CPED1: variants seen among roughly 807,000 people sequenced by gnomAD.
The protein encoded by CPED1 is cadherin-like and PC-esterase domain-containing protein 1.
Under a neutral mutation model 128.2 loss-of-function variants are expected in CPED1, and 114 were observed. That is an observed-to-expected ratio of 0.89 (90% CI 0.76 to 1.04). The LOEUF is 1.04. Among genes scored for constraint, CPED1 ranks in the 50% least tolerant of loss-of-function variants. The probability of loss-of-function intolerance (pLI) is 0.00; values close to 1 mark genes in which losing one functional copy is unlikely to be tolerated. For synonymous variants in CPED1, 462 were observed against 426.7 expected (o/e 1.08, Z -1.02); for missense variants, 1,211 against 1,207.1 (o/e 1.00, Z -0.05).
At chr7:121,058,142 G>A (rs912079338) in intron 4 of CPED1, among the ~76,000 whole-genome samples, 2 of 152,130 alleles carry the variant, frequency 1.3e-5, no homozygotes, top group African/African-American at 4.8e-5. Flanking sequence ...GAGGTACCTG[G>A]AGCTGGGGAA....
chr7:121,162,569 CA>C (rs574557923), intron 16 of CPED1, among the ~76,000 whole-genome samples: 4 of 152,080 alleles, frequency 2.6e-5, no homozygotes, highest in Admixed American at 6.5e-5. Flanking sequence ...ATTGTTAATT[CA>C]AAAAAACCTA....
At chr7:121,030,076 C>T (rs1343345428) in intron 3 of CPED1, among the ~76,000 whole-genome samples, 1 of 152,064 alleles carries the variant, frequency 6.6e-6, no homozygotes, top group East Asian at 1.9e-4. Context: ...AAAATTACTC[C>T]AAATTCCAGA....
At position 121,220,901 on chromosome 7, in the gene CPED1, G is replaced by A. The variant is rs142372653; in HGVS notation, c.2056-15813G>A. On this transcript the variant is annotated intron_variant, in intron 16 of 22. Coordinates refer to ENST00000310396, the MANE Select transcript of CPED1 (RefSeq NM_024913.5). ...TAAATAAGATCATGGTATACATCATGTTCTGCAATTTGCTTTACTGCTTTT... is the reference window on the plus strand; with the variant it reads ...TAAATAAGATCATGGTATACATCATATTCTGCAATTTGCTTTACTGCTTTT... Among the ~76,000 whole-genome samples the A allele has an allele frequency of 1.4e-3, 218 of 152,002 alleles. 1 individual carries two copies. The highest frequency in any genetic ancestry group is 1.7e-3 in the Admixed American group (26 of 15,246).
intron 18 of CPED1, among the ~76,000 whole-genome samples, chr7:121,246,282 T>G (rs1393389198): frequency 6.6e-6 from 1 of 152,228 alleles, no homozygotes; most frequent in South Asian, 2.1e-4. Flanking sequence ...AAAATAACCC[T>G]CTGTGGTAGA....
chr7:121,203,384 CA>C (rs1269622869), intron 16 of CPED1, among the ~76,000 whole-genome samples: 1 of 152,094 alleles, frequency 6.6e-6, no homozygotes, highest in East Asian at 1.9e-4. Flanking sequence ...AGCAAACATA[CA>C]AATCACCCCC....
intron 7 of CPED1, among the ~76,000 whole-genome samples, chr7:121,111,710 TAAAAA>T (rs75662830): frequency 6.6e-6 from 1 of 151,758 alleles, no homozygotes; most frequent in Admixed American, 6.6e-5. Context: ...GCACTGAAAA[TAAAAA>T]AGAAAAAACA....
chr7:121,292,704 G>A (rs576101480), intron 22 of CPED1, among the ~76,000 whole-genome samples: 1 of 152,174 alleles, frequency 6.6e-6, no homozygotes, highest in East Asian at 1.9e-4. Context: ...GGGTTTTTAG[G>A]TGGGTGTCCT....
At chr7:121,100,553 C>T (rs1794823834) in intron 7 of CPED1, among the ~76,000 whole-genome samples, 1 of 152,060 alleles carries the variant, frequency 6.6e-6, no homozygotes, top group African/African-American at 2.4e-5. Flanking sequence ...CTCAAGTGTG[C>T]CTAATATAGC....
intron 16 of CPED1, among the ~76,000 whole-genome samples, chr7:121,196,647 T>C (rs753305839): frequency 1.3e-5 from 2 of 152,140 alleles, no homozygotes; most frequent in African/African-American, 2.4e-5. Context: ...GACATACTTA[T>C]AAGACAGCAG....
rs145474130 is a variant in CPED1, at chr7:121,131,011, G to A, written c.1577+717G>A. On this transcript the variant is annotated intron_variant, in intron 12 of 22. Coordinates refer to ENST00000310396, the MANE Select transcript of CPED1 (RefSeq NM_024913.5). ...TATGGATGGAATTACAGGAGCATTC[G>A]ACTTTTCTACTGGCAGCAAAACAGA... 6.0e-4 allele frequency among the ~76,000 whole-genome samples: 91 copies of A among 152,074 alleles called. 2 individuals are homozygous for A. In the East Asian group the frequency reaches 0.017, roughly 28 times the overall value.
rs148256913 is a variant in CPED1, at chr7:121,204,444, G to A, written c.2056-32270G>A. On this transcript the variant is annotated intron_variant, in intron 16 of 22. Transcript: ENST00000310396. ...GAAATTGTATACAAGTATATTTCAA[G>A]TCTACCAGTCCACACACACCTACAG... 1.2e-3 allele frequency among the ~76,000 whole-genome samples: 180 copies of A among 152,218 alleles called. 1 individual carries two copies. The highest frequency in any genetic ancestry group is 4.2e-3 in the African/African-American group (173 of 41,566).
At chr7:121,053,490 G>T (rs1455960558) in intron 4 of CPED1, among the ~76,000 whole-genome samples, 1 of 152,196 alleles carries the variant, frequency 6.6e-6, no homozygotes, top group Non-Finnish European at 1.5e-5. Context: ...GGCATATGAT[G>T]TCCTTGTCTC....
chr7:121,024,616 T>A (rs1304596517), intron 3 of CPED1, among the ~76,000 whole-genome samples: 1 of 152,226 alleles, frequency 6.6e-6, no homozygotes, highest in Admixed American at 6.5e-5. Flanking sequence ...TACTTTCTTT[T>A]ATTTTTAAGG....
chr7:121,171,996 T>C (rs1456443634), intron 16 of CPED1, among the ~76,000 whole-genome samples: 1 of 152,200 alleles, frequency 6.6e-6, no homozygotes, highest in Non-Finnish European at 1.5e-5. Flanking sequence ...CTACTCTGAA[T>C]AGGAAGGCGC....
chr7:121,220,952 A>G (rs1797861468), intron 16 of CPED1, among the ~76,000 whole-genome samples: 1 of 151,788 alleles, frequency 6.6e-6, no homozygotes, highest in African/African-American at 2.4e-5. Flanking sequence ...ATATATCTCC[A>G]TATCTTTACT....
chr7:121,117,251 C>T (rs932557433), intron 7 of CPED1, among the ~76,000 whole-genome samples: 1 of 151,406 alleles, frequency 6.6e-6, no homozygotes, highest in African/African-American at 2.4e-5. Context: ...CAGATGAGTA[C>T]CACCATGCCG....
chr7:121,159,170 A>G (rs1213870439), intron 16 of CPED1, among the ~76,000 whole-genome samples: 2 of 152,180 alleles, frequency 1.3e-5, no homozygotes, highest in Non-Finnish European at 2.9e-5. Flanking sequence ...TCGACTTCAA[A>G]AGTTGCTTTT....
intron 16 of CPED1, among the ~76,000 whole-genome samples, chr7:121,194,492 A>G (rs1797225481): frequency 1.3e-5 from 2 of 152,110 alleles, no homozygotes; most frequent in Admixed American, 6.6e-5. Context: ...CAGAGCATAT[A>G]TGATCTCCAC....
rs144523072 is a variant in CPED1, at chr7:121,109,575, G to A, written c.918+9481G>A. On this transcript the variant is annotated intron_variant, in intron 7 of 22. Transcript: ENST00000310396. ...CTTCTTATTTGGTCTCTAGTTTTCC[G>A]GAATCTAACAGTTCCAGGTACCATA... 4.1e-4 allele frequency among the ~76,000 whole-genome samples: 62 copies of A among 152,086 alleles called. 1 individual carries two copies. The highest frequency in any genetic ancestry group is 1.3e-3 in the African/African-American group (52 of 41,486).
Sources: allele counts gnomAD v4.1 joint callset (sites outside exome capture counted in the v4.1 genomes callset), GRCh38; gene constraint gnomAD v4.1.1; transcripts MANE v1.5; gene names NCBI Gene and HGNC (gene_info 2026-07-23, HGNC 2026-07-21).